The following LOC128125814 variants were observed in gnomAD, a reference collection of about 807,000 sequenced individuals.
At chr12:57,518,865 G>A in the LOC128125814 span, among the ~76,000 whole-genome samples, 5 of 152,074 alleles carry the variant, frequency 3.3e-5, no homozygotes, top group East Asian at 1.9e-4. Context: ...CACCATGTTG[G>A]CCAGGCTGGT....
the LOC128125814 span, among the ~76,000 whole-genome samples, chr12:57,518,631 C>T: frequency 6.6e-6 from 1 of 152,188 alleles, no homozygotes; most frequent in Non-Finnish European, 1.5e-5. Context: ...TTCTCTCACA[C>T]CCTGCAATCC....
the LOC128125814 span, chr12:57,519,351 T>C: frequency 5.0e-4 from 193 of 387,312 alleles, 2 homozygotes; most frequent in South Asian, 2.2e-3. Flanking sequence ...GTGGCACTTA[T>C]ATTTTGTTTA....
the LOC128125814 span, among the ~76,000 whole-genome samples, chr12:57,519,550 T>C: frequency 6.6e-6 from 1 of 152,224 alleles, no homozygotes; most frequent in South Asian, 2.1e-4. Flanking sequence ...GGGCTAGAGA[T>C]GCAATATTGC....
At chr12:57,518,241 T>C in the LOC128125814 span, among the ~76,000 whole-genome samples, 2 of 152,208 alleles carry the variant, frequency 1.3e-5, no homozygotes, top group Non-Finnish European at 2.9e-5. Context: ...TCTTTATTTT[T>C]AGTTGCTGAC....
At chr12:57,519,928 G>C in the LOC128125814 span, among the ~76,000 whole-genome samples, 4 of 152,304 alleles carry the variant, frequency 2.6e-5, no homozygotes, top group Admixed American at 6.5e-5. Context: ...TCCCCTATCC[G>C]CTGCAGGGTC....
At chr12:57,518,687 TCTCA>T in the LOC128125814 span, among the ~76,000 whole-genome samples, 1 of 152,084 alleles carries the variant, frequency 6.6e-6, no homozygotes, top group Non-Finnish European at 1.5e-5. Flanking sequence ...CTGAGACGGG[TCTCA>T]CTCTTTTTGC....
At chr12:57,520,471 T>C in the LOC128125814 span, 1 of 398,622 alleles carries the variant, frequency 2.5e-6, no homozygotes, top group Non-Finnish European at 4.4e-6. Context: ...CACCCGCTCA[T>C]CTTTAACATG....
chr12:57,519,281 G>A, the LOC128125814 span: 2 of 508,064 alleles, frequency 3.9e-6, no homozygotes, highest in Admixed American at 4.2e-5. Flanking sequence ...ACCACCTGAT[G>A]TAACACTCTG....
chr12:57,518,981 G>A, the LOC128125814 span, among the ~76,000 whole-genome samples: 9 of 152,130 alleles, frequency 5.9e-5, no homozygotes, highest in African/African-American at 9.7e-5. Flanking sequence ...CTTTAAAAAT[G>A]AGTTTTTAAA....
At chr12:57,517,720 G>T in the LOC128125814 span, 2 of 552,046 alleles carry the variant, frequency 3.6e-6, no homozygotes, top group Non-Finnish European at 6.4e-6. Context: ...TTTCAGGTGT[G>T]GTGATGTATG....
At chr12:57,519,119 A>C in the LOC128125814 span, 4 of 532,420 alleles carry the variant, frequency 7.5e-6, no homozygotes, top group South Asian at 5.6e-5. Context: ...TTCTCTTGCC[A>C]CCCCTCCGCA....
the LOC128125814 span, chr12:57,519,140 C>T: frequency 1.9e-6 from 1 of 533,314 alleles, no homozygotes; most frequent in South Asian, 1.4e-5. Context: ...ACTCTATTCA[C>T]CATACAGCAG....
chr12:57,519,284 A>T, the LOC128125814 span: 418 of 506,248 alleles, frequency 8.3e-4, 2 homozygotes, highest in African/African-American at 7.7e-3. Flanking sequence ...ACCTGATGTA[A>T]CACTCTGACC....
the LOC128125814 span, among the ~76,000 whole-genome samples, chr12:57,519,818 C>T: frequency 6.6e-6 from 1 of 152,202 alleles, no homozygotes; most frequent in African/African-American, 2.4e-5. Context: ...ATCCAGGCTG[C>T]TCTCTTGTGC....
At chr12:57,519,770 C>T in the LOC128125814 span, among the ~76,000 whole-genome samples, 1 of 152,204 alleles carries the variant, frequency 6.6e-6, no homozygotes, top group Non-Finnish European at 1.5e-5. Flanking sequence ...AAGGACAATA[C>T]CCTGGGGAGA....
chr12:57,519,075 GA>G, the LOC128125814 span: 8 of 529,068 alleles, frequency 1.5e-5, no homozygotes, highest in Non-Finnish European at 2.7e-5. Flanking sequence ...AATTACTGCA[GA>G]AACTTTCTGA....
At chr12:57,518,458 T>C in the LOC128125814 span, among the ~76,000 whole-genome samples, 1 of 152,256 alleles carries the variant, frequency 6.6e-6, no homozygotes, top group Non-Finnish European at 1.5e-5. Context: ...CAGACTCTGC[T>C]GTCTACTGCC....
the LOC128125814 span, among the ~76,000 whole-genome samples, chr12:57,517,941 C>T: frequency 6.6e-6 from 1 of 152,008 alleles, no homozygotes; most frequent in Admixed American, 6.5e-5. Flanking sequence ...ATTCTTCTGC[C>T]TCGGCCTCCC....
chr12:57,517,734 A>G, the LOC128125814 span: 5 of 511,084 alleles, frequency 9.8e-6, no homozygotes, highest in East Asian at 1.2e-4. Context: ...ATGTATGAAG[A>G]TACACTTCCT....
Sources: allele counts gnomAD v4.1 joint callset (sites outside exome capture counted in the v4.1 genomes callset), GRCh38; gene constraint gnomAD v4.1.1; transcripts MANE v1.5.